The following ABCA8 variants were observed in gnomAD, a reference collection of about 807,000 sequenced individuals.
ABCA8 encodes the protein ATP binding cassette subfamily A member 8, also known as ABC-type organic anion transporter ABCA8.
In ABCA8, 177 loss-of-function variants were observed where a neutral mutation model predicts 192.3. That is an observed-to-expected ratio of 0.92 (90% CI 0.81 to 1.04). ABCA8 has a LOEUF of 1.04. ABCA8 is among the 50% of genes least tolerant of loss of function. The pLI is 0.00. For missense variants in ABCA8, 1,915 were observed against 1,904.8 expected (o/e 1.01, Z -0.10); for synonymous variants, 642 against 690.2 (o/e 0.93, Z 1.09).
At chr17:68,926,618 G>GA (rs1467684273) in intron 10 of ABCA8, among the ~76,000 whole-genome samples, 1 of 152,092 alleles carries the variant, frequency 6.6e-6, no homozygotes, top group Non-Finnish European at 1.5e-5. Flanking sequence ...ACCTCTACTG[G>GA]AAAAAATCAA....
At chr17:68,885,992 T>C (rs1598199412) in intron 26 of ABCA8, among the ~76,000 whole-genome samples, 1 of 152,078 alleles carries the variant, frequency 6.6e-6, no homozygotes, top group African/African-American at 2.4e-5. Flanking sequence ...ACTATACCAA[T>C]GGGGAAATAG....
Position 68,867,664 on chromosome 17 carries a change from G to C in ABCA8, c.*421C>G, listed in dbSNP as rs1203528260. On this transcript the variant is annotated 3_prime_UTR_variant, in exon 40 of 40. Coordinates refer to ENST00000586539, the MANE Select transcript of ABCA8 (RefSeq NM_001288985.2). ...AAAAATATGACATGTTAAATTCTTA[G>C]GAAAGTATCAACTTTACAAAGTATC... The C allele has an allele frequency of 2.0e-5, 3 of 152,334 alleles. No individual in the cohort carries two copies. Among genetic ancestry groups the C allele is most frequent in the Non-Finnish European group, 4.4e-5 (3 of 68,336 alleles). The allele number at this position is 152,334 out of a possible 1,614,324, so 9.4% of individuals were successfully genotyped here.
chr17:68,877,752 C>G, intron 32 of ABCA8, 73 bp from the exon 33 acceptor site: 1 of 1,435,550 alleles, frequency 7.0e-7, no homozygotes, highest in South Asian at 1.5e-5. Context: ...ACATCATTCT[C>G]TTCACGAACC....
chr17:68,887,925 T>TATATA, intron 24 of ABCA8, among the ~76,000 whole-genome samples: 4 of 101,030 alleles, frequency 4.0e-5, no homozygotes, highest in African/African-American at 1.6e-4. Context: ...TATATATATA[T>TATATA]TATATATGGA....
chr17:68,899,926 G>T (rs751362606), intron 21 of ABCA8, among the ~76,000 whole-genome samples: 3 of 152,072 alleles, frequency 2.0e-5, no homozygotes, highest in African/African-American at 7.2e-5. Context: ...ATGATATACC[G>T]AAACTTATGC....
At chr17:68,875,206 T>C in intron 37 of ABCA8, 54 bp downstream of exon 37, 1 of 1,606,028 alleles carries the variant, frequency 6.2e-7, no homozygotes, top group Non-Finnish European at 8.5e-7. Context: ...TCAACATAAC[T>C]GACAAGTAAC....
intron 5 of ABCA8, 112 bp from the exon 6 acceptor site, chr17:68,933,383 A>G (rs1433815222): frequency 1.6e-6 from 1 of 638,296 alleles, no homozygotes; most frequent in Non-Finnish European, 2.7e-6. Flanking sequence ...CCCAAATTCC[A>G]AATGTTCTTA....
At chr17:68,944,359 T>TATATATATATATATATACAC (rs765731645) in intron 2 of ABCA8, among the ~76,000 whole-genome samples, 11 of 69,458 alleles carry the variant, frequency 1.6e-4, no homozygotes, top group Non-Finnish European at 2.6e-4. Flanking sequence ...TATATATATA[T>TATATATATATATATATACAC]ACACATATAC....
At chr17:68,933,839 T>C (rs1199353576) in intron 5 of ABCA8, among the ~76,000 whole-genome samples, 1 of 152,122 alleles carries the variant, frequency 6.6e-6, no homozygotes, top group Non-Finnish European at 1.5e-5. Context: ...TTGAATAAGA[T>C]GAATTAAAAT....
At chr17:68,948,559 G>C (rs149883556) in intron 2 of ABCA8, among the ~76,000 whole-genome samples, 3,000 of 152,158 alleles carry the variant, frequency 0.02, 104 homozygotes, top group African/African-American at 0.067. Context: ...AGAAGTGTCT[G>C]TTCATATTTT....
At chr17:68,928,991 T>C in intron 9 of ABCA8, 58 bp downstream of exon 9, 1 of 1,287,568 alleles carries the variant, frequency 7.8e-7, no homozygotes, top group Non-Finnish European at 1.0e-6. Context: ...AGCCTATGGA[T>C]TCCAGAGGGA....
intron 9 of ABCA8, among the ~76,000 whole-genome samples, chr17:68,928,653 T>A (rs748837109): frequency 6.6e-6 from 1 of 152,218 alleles, no homozygotes; most frequent in Non-Finnish European, 1.5e-5. Context: ...AATTTACTAA[T>A]GAATTTTCCA....
Position 68,884,330 on chromosome 17 carries a change from C to A in ABCA8, c.3615+1G>T, listed in dbSNP as rs2066406831. ...ATTTTTAAAGAACAGTGTGTTCTTA[C>A]AATTAGGAATACCAGAAATGGCTGT... On this transcript the variant is annotated splice_donor_variant, in intron 28 of 39. Transcript: ENST00000586539. LOFTEE classifies it high-confidence loss of function. The A allele has an allele frequency of 6.3e-7, 1 of 1,578,178 alleles. No individual in the cohort carries two copies. The highest frequency in any genetic ancestry group is 1.4e-5 in the African/African-American group (1 of 72,528).
chr17:68,936,955 A>G lies in ABCA8; in HGVS notation c.462T>C (p.His154=). 11 of 1,587,726 alleles carry G rather than the reference A, an allele frequency of 6.9e-6. No homozygotes were observed. The highest frequency in any genetic ancestry group is 9.4e-6 in the Non-Finnish European group (11 of 1,171,104). The change falls in exon 5 of 40, where the codon CAT becomes CAC. Residue 154 remains histidine, a synonymous_variant. Transcript: ENST00000586539. The part of the protein sequence containing the change: ...GMPAKKEHKD[H]TAHCYETNED... ...ATTTTAGAGCCATAAAATTACCTGT[A>G]TGGTCCTTGTGCTCCTTCTTTGCTG...
At chr17:68,881,421 T>TG (rs922036369) in intron 31 of ABCA8, among the ~76,000 whole-genome samples, 1 of 152,198 alleles carries the variant, frequency 6.6e-6, no homozygotes, top group Non-Finnish European at 1.5e-5. Flanking sequence ...GTCACACTGA[T>TG]GGAAAGTGGC....
At chr17:68,935,293 T>TGTGTGTGTGTGTGTGTGTGTGTG (rs1491187643) in intron 5 of ABCA8, among the ~76,000 whole-genome samples, 24 of 149,444 alleles carry the variant, frequency 1.6e-4, no homozygotes, top group African/African-American at 4.9e-4. Context: ...TGTGTGTGTG[T>TGTGTGTGTGTGTGTGTGTGTGTG]TTCAGTAGAG....
rs536988174 is a variant in ABCA8, at chr17:68,913,959, G to T, written c.2138+3402C>A. Among the ~76,000 whole-genome samples, 14 of 152,052 alleles carry T rather than the reference G, an allele frequency of 9.2e-5. 1 individual carries two copies. In the East Asian group the frequency reaches 2.7e-3, roughly 29 times the overall value. On this transcript the variant is annotated intron_variant, in intron 17 of 39. Coordinates refer to ENST00000586539, the MANE Select transcript of ABCA8 (RefSeq NM_001288985.2). ...AACACATTAAAAAATCATTCATCTTGGTCATGGTTGGATTTATCCCAGAGA... is the reference window on the plus strand; with the variant it reads ...AACACATTAAAAAATCATTCATCTTTGTCATGGTTGGATTTATCCCAGAGA...
chr17:68,924,197 T>C (rs2067626998), intron 11 of ABCA8, among the ~76,000 whole-genome samples: 1 of 151,994 alleles, frequency 6.6e-6, no homozygotes, highest in African/African-American at 2.4e-5. Context: ...AAACACAAAA[T>C]TAGCTGGGCT....
At chr17:68,933,429 C>T (rs2067967150) in intron 5 of ABCA8, among the ~76,000 whole-genome samples, 158 bp from the exon 6 acceptor site, 1 of 152,068 alleles carries the variant, frequency 6.6e-6, no homozygotes, top group South Asian at 2.1e-4. Flanking sequence ...TAAATTATAA[C>T]AATGATTCTC....
Sources: allele counts gnomAD v4.1 joint callset (sites outside exome capture counted in the v4.1 genomes callset), GRCh38; gene constraint gnomAD v4.1.1; transcripts MANE v1.5; gene names NCBI Gene and HGNC (gene_info 2026-07-23, HGNC 2026-07-21).